The following KDM6A variants were observed in gnomAD, a reference collection of about 807,000 sequenced individuals.
The protein encoded by KDM6A is lysine-specific demethylase 6A.
KDM6A carries 11 observed loss-of-function variants against 117.6 expected under a neutral mutation model. The ratio of observed to expected loss-of-function variants is 0.09; its 90% confidence interval spans 0.06 to 0.15. KDM6A has a LOEUF of 0.15. KDM6A is among the 10% of genes least tolerant of loss of function. The pLI is 1.00. For synonymous variants in KDM6A, 384 were observed against 396.1 expected, an observed-to-expected ratio of 0.97 and a Z score of 0.36; for missense variants, 799 against 1,077.3, an observed-to-expected ratio of 0.74 and a Z score of 3.62.
intron 27 of KDM6A, among the ~76,000 whole-genome samples, chrX:45,100,659 C>CT (rs1341487701): frequency 1.2e-4 from 13 of 110,589 alleles, no homozygotes; most frequent in African/African-American, 4.3e-4. Context: ...CTGCCAGACA[C>CT]TAACACATTC....
chrX:45,047,444 T>A (rs2043592643), intron 8 of KDM6A, among the ~76,000 whole-genome samples: 1 of 107,699 alleles, frequency 9.3e-6, no homozygotes, highest in Non-Finnish European at 1.9e-5. Context: ...GTATGCTTTC[T>A]AGTGACTTGT....
chrX:44,922,221 T>C (rs2036002327), intron 2 of KDM6A, among the ~76,000 whole-genome samples: 1 of 104,026 alleles, frequency 9.6e-6, no homozygotes, highest in African/African-American at 3.5e-5. Context: ...TTTTTGTGTT[T>C]TTAGTAGAGG....
chrX:45,049,156 A>G (rs181528463), intron 8 of KDM6A, among the ~76,000 whole-genome samples: 21 of 112,193 alleles, frequency 1.9e-4, no homozygotes, highest in African/African-American at 6.2e-4. Flanking sequence ...CTTTACTCAC[A>G]TCTCTACAAT....
intron 4 of KDM6A, among the ~76,000 whole-genome samples, chrX:44,989,566 T>C (rs1422308675): frequency 9.0e-6 from 1 of 111,401 alleles, no homozygotes; most frequent in African/African-American, 3.3e-5. Context: ...CATATTTCTA[T>C]GAGGAGGAAA....
intron 2 of KDM6A, among the ~76,000 whole-genome samples, chrX:44,899,224 CGTGTGTGTGTGTGT>C (rs572085670): frequency 1.8e-3 from 89 of 49,282 alleles, no homozygotes; most frequent in East Asian, 0.011. Context: ...TGTGTGTATG[CGTGTGTGTGTGTGT>C]GTGTGTGTGT....
chrX:44,953,070 G>GTT (rs372714068), intron 2 of KDM6A, among the ~76,000 whole-genome samples: 9 of 103,188 alleles, frequency 8.7e-5, no homozygotes, highest in Non-Finnish European at 8.0e-5. Flanking sequence ...ACCGAACTTT[G>GTT]TTTTTTTTTT....
chrX:45,111,212 G>A (rs187467868), intron 29 of KDM6A, among the ~76,000 whole-genome samples, 170 bp from the exon 30 acceptor site: 1 of 111,302 alleles, frequency 9.0e-6, no homozygotes, highest in Admixed American at 9.6e-5. Context: ...TTCTTAGGAA[G>A]ATTGGCTGAA....
chrX:44,961,582 C>G (rs2038673102), intron 3 of KDM6A, among the ~76,000 whole-genome samples, 190 bp downstream of exon 3: 1 of 111,881 alleles, frequency 8.9e-6, no homozygotes, highest in African/African-American at 3.2e-5. Flanking sequence ...TGAAAACCAC[C>G]TGCATGTTCA....
chrX:44,966,381 G>A (rs988913071), intron 3 of KDM6A, among the ~76,000 whole-genome samples: 5 of 110,895 alleles, frequency 4.5e-5, no homozygotes, highest in Non-Finnish European at 7.5e-5. Context: ...GGGCTCCAGC[G>A]ATCCTCCCGC....
intron 2 of KDM6A, among the ~76,000 whole-genome samples, chrX:44,936,054 CT>C (rs972651765): frequency 1.8e-5 from 2 of 112,117 alleles, no homozygotes; most frequent in Non-Finnish European, 3.8e-5. Context: ...GAAATTTATT[CT>C]TTCACAGTTG....
chrX:45,019,810 A>G (rs1242625467), intron 5 of KDM6A, among the ~76,000 whole-genome samples: 1 of 111,730 alleles, frequency 9.0e-6, no homozygotes, highest in African/African-American at 3.2e-5. Flanking sequence ...TGAGTAGGCA[A>G]TACAGTCATA....
rs1201259836 is a variant in KDM6A at position 45,112,686 on chromosome X, A to G, written c.*1275A>G. 4 of 121,624 alleles carry G rather than the reference A, an allele frequency of 3.3e-5. No homozygotes were observed. The highest frequency in any genetic ancestry group is 1.3e-4 in the African/African-American group (4 of 31,040). The allele number at this position is 121,624 out of a possible 1,213,427, so 10.0% of individuals were successfully genotyped here. A position where few individuals can be genotyped will look rare whatever the true frequency, so the allele number is the denominator to read the frequency against. Reference sequence around the variant, plus strand: ...ATATGGGCTTGACAAATCCTGTACAATACTTAGTACCATTTTATATGGAAA... The same window carrying G: ...ATATGGGCTTGACAAATCCTGTACAGTACTTAGTACCATTTTATATGGAAA... On this transcript the variant is annotated 3_prime_UTR_variant, in exon 30 of 30. Coordinates refer to ENST00000611820, the MANE Select transcript of KDM6A (RefSeq NM_001291415.2).
At chrX:45,006,515 T>C (rs191435282) in intron 4 of KDM6A, among the ~76,000 whole-genome samples, 9 of 110,687 alleles carry the variant, frequency 8.1e-5, no homozygotes, top group African/African-American at 3.0e-4. Flanking sequence ...CCTACTGCTG[T>C]GTCATTCCCC....
At chrX:44,874,090 A>C in intron 2 of KDM6A, 103 bp downstream of exon 2, 2 of 758,764 alleles carry the variant, frequency 2.6e-6, no homozygotes, top group South Asian at 2.2e-5. Context: ...GCCACGGACG[A>C]TGGTCGAGGG....
At chrX:44,959,059 A>C (rs1369670612) in intron 2 of KDM6A, among the ~76,000 whole-genome samples, 13 of 111,157 alleles carry the variant, frequency 1.2e-4, no homozygotes, top group Non-Finnish European at 2.3e-4. Flanking sequence ...CTTCAAATAA[A>C]TTCATGAAGT....
In KDM6A at chrX:44,925,077, A is replaced by G. The variant is rs188344903; in HGVS notation, c.226-36207A>G. Among the ~76,000 whole-genome samples the G allele has an allele frequency of 2.6e-4, 29 of 112,030 alleles. 1 individual carries two copies. The highest frequency in any genetic ancestry group is 9.4e-4 in the African/African-American group (29 of 30,814). On this transcript the variant is annotated intron_variant, in intron 2 of 29. Coordinates refer to ENST00000611820, the MANE Select transcript of KDM6A (RefSeq NM_001291415.2). Reference sequence around the variant, plus strand: ...ACATTAGATATTTTGATACAGGCCTACAATGTGTAATCGTATCCGGGTTCT... The same window carrying G: ...ACATTAGATATTTTGATACAGGCCTGCAATGTGTAATCGTATCCGGGTTCT...
At chrX:44,923,772 GAGTGC>G (rs1490503963) in intron 2 of KDM6A, among the ~76,000 whole-genome samples, 1 of 110,410 alleles carries the variant, frequency 9.1e-6, no homozygotes, top group Non-Finnish European at 1.9e-5. Flanking sequence ...GCCCATGCTG[GAGTGC>G]AGTGATGCAA....
In KDM6A at chrX:44,873,203, T is replaced by C. The variant is rs1402908094; in HGVS notation, c.-349T>C. 1.2e-5 allele frequency: 3 copies of C among 258,631 alleles called. No homozygotes were observed. Among genetic ancestry groups the C allele is most frequent in the Non-Finnish European group, 2.0e-5 (3 of 148,820 alleles). 21.3% of individuals were successfully genotyped at this position (258,631 alleles called of 1,213,427 possible). ...TGACACAATTACAACAACTTTGTGC[T>C]GGTGCCGGGGAAGTTTGTGTCTCCA... On this transcript the variant is annotated 5_prime_UTR_variant, in exon 1 of 30. Transcript: ENST00000611820.
At chrX:45,040,658 T>C (rs1367467617) in intron 8 of KDM6A, among the ~76,000 whole-genome samples, 5 of 78,038 alleles carry the variant, frequency 6.4e-5, no homozygotes, top group Non-Finnish European at 9.8e-5. Context: ...ACGGGGCGGC[T>C]GGCCGGGCGG....
Sources: gnomAD v4.1 joint callset for allele counts (sites outside exome capture counted in the v4.1 genomes callset) on GRCh38, gnomAD v4.1.1 for gene constraint, MANE v1.5 for transcripts, NCBI Gene and HGNC (gene_info 2026-07-23, HGNC 2026-07-21) for gene names.